Variants in CUX1 observed in about 807,000 individuals in gnomAD.
The protein encoded by CUX1 is protein CASP.
In CUX1, 31 loss-of-function variants were observed where a neutral mutation model predicts 158.8. The observed-to-expected ratio is 0.20, with a 90% confidence interval of 0.15 to 0.26. CUX1 has a LOEUF of 0.26. Among genes scored for constraint, CUX1 ranks in the 10% least tolerant of loss-of-function variants. The pLI is 1.00. For missense variants in CUX1, 1,589 were observed against 2,014.6 expected (o/e 0.79, Z 4.04); for synonymous variants, 879 against 862.1 (o/e 1.02, Z -0.34).
At chr7:102,161,509 C>T (rs181889539) in intron 9 of CUX1, among the ~76,000 whole-genome samples, 346 of 152,286 alleles carry the variant, frequency 2.3e-3, no homozygotes, top group Non-Finnish European at 3.7e-3. Context: ...TAGCCTGATA[C>T]GGCTACATTA....
intron 20 of CUX1, 54 bp from the exon 21 acceptor site, chr7:102,227,313 C>T (rs1467558813): frequency 1.6e-5 from 24 of 1,466,248 alleles, no homozygotes; most frequent in East Asian, 6.9e-5. Flanking sequence ...CGTAGATGGT[C>T]GTGGTAAAAG....
At chr7:101,892,200 T>C (rs966798569) in intron 1 of CUX1, among the ~76,000 whole-genome samples, 1 of 152,246 alleles carries the variant, frequency 6.6e-6, no homozygotes, top group Non-Finnish European at 1.5e-5. Flanking sequence ...AGAAGCAATA[T>C]GCTGGTCAGA....
chr7:102,091,798 C>T (rs1429433707), intron 4 of CUX1, among the ~76,000 whole-genome samples: 2 of 152,146 alleles, frequency 1.3e-5, no homozygotes, highest in Non-Finnish European at 2.9e-5. Flanking sequence ...CTCTATCACC[C>T]AGGCTGGAGT....
intron 2 of CUX1, among the ~76,000 whole-genome samples, chr7:101,925,379 GGGATTACA>G (rs1805467080): frequency 6.6e-6 from 1 of 152,180 alleles, no homozygotes; most frequent in South Asian, 2.1e-4. Flanking sequence ...CTAAAGTGTT[GGGATTACA>G]GGCATGAGGC....
chr7:101,979,374 A>C (rs533822449), intron 2 of CUX1, among the ~76,000 whole-genome samples: 2 of 152,382 alleles, frequency 1.3e-5, no homozygotes, highest in East Asian at 1.9e-4. Context: ...AATTGTTGGC[A>C]AAAGCCCAAG....
intron 8 of CUX1, among the ~76,000 whole-genome samples, chr7:102,123,132 A>C (rs536147281): frequency 2.1e-4 from 32 of 151,152 alleles, no homozygotes; most frequent in Middle Eastern, 6.9e-3. Flanking sequence ...ACGGGAGGCT[A>C]AGGTAGGATA....
At chr7:102,101,458 G>T (rs1353573990) in intron 5 of CUX1, among the ~76,000 whole-genome samples, 1 of 152,170 alleles carries the variant, frequency 6.6e-6, no homozygotes, top group Non-Finnish European at 1.5e-5. Context: ...AGGTTGGGCT[G>T]GTCCGTGAGC....
chr7:102,014,858 C>CA (rs59972216), intron 2 of CUX1, among the ~76,000 whole-genome samples: 2,953 of 127,838 alleles, frequency 0.023, 65 homozygotes, highest in African/African-American at 0.067. Context: ...CCCCAACCAC[C>CA]AAAAAAAAAA....
At chr7:102,074,577 A>G (rs946699708) in intron 4 of CUX1, among the ~76,000 whole-genome samples, 7 of 152,106 alleles carry the variant, frequency 4.6e-5, no homozygotes, top group African/African-American at 7.2e-5. Flanking sequence ...AACAGGTGGG[A>G]CATAGTGAAT....
chr7:102,238,809 ACAT>A (rs1242998772), intron 22 of CUX1, among the ~76,000 whole-genome samples: 2 of 152,190 alleles, frequency 1.3e-5, no homozygotes, highest in Non-Finnish European at 1.5e-5. Flanking sequence ...TGAGGACCTG[ACAT>A]TCCGTCAGAG....
chr7:102,123,252 G>T (rs1445797053), intron 8 of CUX1, among the ~76,000 whole-genome samples: 1 of 150,864 alleles, frequency 6.6e-6, no homozygotes, highest in Non-Finnish European at 1.5e-5. Context: ...AAAAAGAGAG[G>T]CACTGTGCAT....
intron 2 of CUX1, among the ~76,000 whole-genome samples, chr7:102,010,094 T>C (rs1817820440): frequency 1.3e-5 from 2 of 151,838 alleles, no homozygotes; most frequent in Admixed American, 6.6e-5. Flanking sequence ...GATTCCATGA[T>C]ATGAAACAGC....
chr7:102,161,701 C>A (rs999533512), intron 9 of CUX1, among the ~76,000 whole-genome samples: 7 of 152,194 alleles, frequency 4.6e-5, no homozygotes, highest in Admixed American at 1.3e-4. Context: ...TCCTCCACCT[C>A]ATGGGTTCAG....
intron 20 of CUX1, among the ~76,000 whole-genome samples, chr7:102,224,928 A>G (rs1798195937): frequency 6.6e-6 from 1 of 152,218 alleles, no homozygotes; most frequent in Admixed American, 6.5e-5. Flanking sequence ...AATTCATGCC[A>G]TCCTTGACAG....
Position 102,251,481 on chromosome 7 carries a change from A to T in CUX1, c.*2439A>T. The T allele has an allele frequency of 3.0e-6, 3 of 985,314 alleles. No individual in the cohort carries two copies. In the South Asian group the frequency reaches 1.4e-4, roughly 46 times the overall value. The allele number at this position is 985,314 out of a possible 1,614,324, so 61.0% of individuals were successfully genotyped here. ...AGACAATGCCTTTTCATGAATAAGA[A>T]GTTTTCAGAAGGCTCTAGGGGGCTG... On this transcript the variant is annotated 3_prime_UTR_variant, in exon 24 of 24. Transcript: ENST00000292535.
At position 102,256,329 on chromosome 7, in the gene CUX1, TTCTA is replaced by T; in HGVS notation, c.*7290_*7293del. On this transcript the variant is annotated 3_prime_UTR_variant, in exon 24 of 24. Transcript: ENST00000292535. ...GTTTCCTTGAGAAAAAAAAAATTATTTCTATCCTCTTCTATTTATTATTAGGTTA... is the reference window on the plus strand; with the variant it reads ...GTTTCCTTGAGAAAAAAAAAATTATTTCCTCTTCTATTTATTATTAGGTTA... 1 of 984,750 alleles carries T rather than the reference TTCTA, an allele frequency of 1.0e-6. No homozygotes were observed. Among genetic ancestry groups the T allele is most frequent in the Non-Finnish European group, 1.2e-6 (1 of 829,300 alleles). 61.0% of individuals were successfully genotyped at this position (984,750 alleles called of 1,614,324 possible). A position where few individuals can be genotyped will look rare whatever the true frequency, so the allele number is the denominator to read the frequency against.
chr7:102,118,154 A>G (rs1469012165), intron 8 of CUX1, among the ~76,000 whole-genome samples: 1 of 152,200 alleles, frequency 6.6e-6, no homozygotes, highest in Non-Finnish European at 1.5e-5. Flanking sequence ...GTTTTCATTC[A>G]TGTTTGTGAA....
chr7:102,029,848 C>G (rs1820509532), intron 3 of CUX1, among the ~76,000 whole-genome samples: 1 of 152,188 alleles, frequency 6.6e-6, no homozygotes, highest in African/African-American at 2.4e-5. Flanking sequence ...TTGATCTTAC[C>G]TGTTCTGTTA....
At chr7:102,178,702 G>T in intron 11 of CUX1, 45 bp downstream of exon 11, 1 of 1,556,428 alleles carries the variant, frequency 6.4e-7, no homozygotes, top group East Asian at 2.4e-5. Flanking sequence ...GAGGCAGGGC[G>T]GATGGCTGGA....
Sources: gnomAD v4.1 joint callset for allele counts (sites outside exome capture counted in the v4.1 genomes callset) on GRCh38, gnomAD v4.1.1 for gene constraint, MANE v1.5 for transcripts, NCBI Gene and HGNC (gene_info 2026-07-23, HGNC 2026-07-21) for gene names.